The following LTBP2 variants were observed in gnomAD, a reference collection of about 807,000 sequenced individuals.
LTBP2 encodes latent-transforming growth factor beta-binding protein 2.
Under a neutral mutation model 210.6 loss-of-function variants are expected in LTBP2, and 103 were observed. The observed-to-expected ratio is 0.49, with a 90% confidence interval of 0.42 to 0.58. The LOEUF (loss-of-function observed/expected upper bound fraction) is 0.58, where lower values mean the gene tolerates loss of function less well. Ranked by LOEUF, LTBP2 falls within the 20% of genes least tolerant of loss-of-function variation. The pLI is 0.00. For missense variants in LTBP2, 2,313 were observed against 2,494.5 expected (o/e 0.93, Z 1.55); for synonymous variants, 1,007 against 1,015.0 (o/e 0.99, Z 0.15).
In LTBP2 at chr14:74,535,960, C is replaced by T. The variant is rs192096741; in HGVS notation, c.1830G>A (p.Gln610=). 1 of 1,614,186 alleles carries T rather than the reference C, an allele frequency of 6.2e-7. No individual in the cohort carries two copies. The highest frequency in any genetic ancestry group is 8.5e-7 in the Non-Finnish European group (1 of 1,180,040). The part of the protein sequence containing the change: ...VIENGQLECP[Q]GYKRLNLTHC... Reference sequence around the variant, plus strand: ...GAGTGAGGTTCAGTCTCTTGTACCCCTGAGGACACTCCAGCTGGCCATTCT... The same window carrying T: ...GAGTGAGGTTCAGTCTCTTGTACCCTTGAGGACACTCCAGCTGGCCATTCT... The change falls in exon 9 of 36, where the codon CAG becomes CAA. Residue 610 remains glutamine, a synonymous_variant. Coordinates refer to ENST00000261978, the MANE Select transcript of LTBP2 (RefSeq NM_000428.3).
Position 74,500,933 on chromosome 14 carries a change from G to A in LTBP2, c.5417C>T (p.Pro1806Leu), listed in dbSNP as rs191944410. The A allele has an allele frequency of 1.5e-4, 248 of 1,614,174 alleles. No individual in the cohort carries two copies. In the East Asian group the frequency reaches 1.6e-3, roughly 10 times the overall value. ...GGGCCCTGCCTCAGCCACATATCCC[G>A]GGGAGCAGTGGCAGCGGTAGGAGCC... ...TEGSYRCHCS[P>L]GYVAEAGPPH... Residue 1806 changes from proline to leucine, a missense_variant, in exon 36 of 36, where the codon CCG (proline) becomes CTG (leucine). Physicochemically the swap from Pro to Leu is moderately conservative, Grantham distance 98 (BLOSUM62 -3). Transcript: ENST00000261978.
At chr14:74,609,074 G>T (rs1251082785) in intron 1 of LTBP2, among the ~76,000 whole-genome samples, 1 of 152,192 alleles carries the variant, frequency 6.6e-6, no homozygotes, top group East Asian at 1.9e-4. Flanking sequence ...GTGGCACTTG[G>T]TCCCTGGCTG....
chr14:74,573,008 C>T (rs544526538), intron 3 of LTBP2, among the ~76,000 whole-genome samples: 7 of 152,270 alleles, frequency 4.6e-5, no homozygotes, highest in African/African-American at 1.4e-4. Context: ...ATTTTAAGTC[C>T]GGTGCTGGAA....
chr14:74,574,578 T>G (rs2088030216), intron 3 of LTBP2, among the ~76,000 whole-genome samples: 1 of 152,168 alleles, frequency 6.6e-6, no homozygotes, highest in Admixed American at 6.5e-5. Context: ...TAAATCCTAC[T>G]GATGATGAAG....
intron 3 of LTBP2, among the ~76,000 whole-genome samples, chr14:74,557,349 C>T (rs2087742594): frequency 6.6e-6 from 1 of 152,200 alleles, no homozygotes; most frequent in Non-Finnish European, 1.5e-5. Flanking sequence ...TGTCTGGAGG[C>T]ACACACTGGT....
At chr14:74,571,247 T>C (rs1298601106) in intron 3 of LTBP2, among the ~76,000 whole-genome samples, 1 of 152,108 alleles carries the variant, frequency 6.6e-6, no homozygotes, top group African/African-American at 2.4e-5. Flanking sequence ...GGCAGGAGAA[T>C]TGCTTGAACC....
chr14:74,516,366 T>TCTCTCCCTCCCTC, intron 18 of LTBP2, among the ~76,000 whole-genome samples: 1 of 118,064 alleles, frequency 8.5e-6, no homozygotes, highest in South Asian at 3.0e-4. Context: ...CTCCCTCCCT[T>TCTCTCCCTCCCTC]CCTTCCTTCC....
intron 12 of LTBP2, among the ~76,000 whole-genome samples, chr14:74,528,228 C>T (rs1028878813): frequency 5.9e-5 from 9 of 152,282 alleles, no homozygotes; most frequent in Admixed American, 4.6e-4. Flanking sequence ...GTGGGGGCTG[C>T]GGCTGATCTT....
At position 74,508,611 on chromosome 14, in the gene LTBP2, GC is replaced by G; in HGVS notation, c.3644del (p.Ser1215ThrfsTer90). On this transcript the variant is annotated frameshift_variant, in exon 24 of 36. Transcript: ENST00000261978. LOFTEE classifies it high-confidence loss of function. Reference protein sequence around the residue: ...PGFVSAEGGTSCQDVDECATT... With the variant: ...PGFVSAEGGTXCQDVDECATT... ...GCTGTGCTGGCTTCTCACCCTGGCA[GC>G]TGGTGCCCCCCTCTGCGCTGACGAA... The G allele has an allele frequency of 1.2e-6, 2 of 1,607,720 alleles. No individual in the cohort carries two copies. Among genetic ancestry groups the G allele is most frequent in the Non-Finnish European group, 1.7e-6 (2 of 1,179,738 alleles).
chr14:74,579,415 C>T (rs1595289480), intron 3 of LTBP2, among the ~76,000 whole-genome samples: 1 of 152,196 alleles, frequency 6.6e-6, no homozygotes, highest in Admixed American at 6.5e-5. Flanking sequence ...GGCAGCACTG[C>T]CACGGGAAAC....
At position 74,505,131 on chromosome 14, in the gene LTBP2, G is replaced by T; in HGVS notation, c.4221C>A (p.Ala1407=). The change falls in exon 29 of 36, where the codon GCC becomes GCA. Residue 1407 remains alanine (A), a synonymous_variant. Coordinates refer to ENST00000261978, the MANE Select transcript of LTBP2 (RefSeq NM_000428.3). The part of the protein sequence containing the change: ...SEAPTGDHAP[A]PTRMDCYSGQ... The stretch of plus-strand genomic sequence containing the variant: ...CGGAGTAGCAGTCCATGCGGGTGGG[G>T]GCCGGGGCATGGTCCCCCGTTGGGG... 6.2e-7 allele frequency: 1 copy of T among 1,613,780 alleles called. No homozygotes were observed. The highest frequency in any genetic ancestry group is 8.5e-7 in the Non-Finnish European group (1 of 1,180,034).
chr14:74,510,083 C>A lies in LTBP2; in HGVS notation c.3151+8G>T, dbSNP rs1420346646. 3 of 1,613,950 alleles carry A rather than the reference C, an allele frequency of 1.9e-6. No individual in the cohort carries two copies. Among genetic ancestry groups the A allele is most frequent in the African/African-American group, 1.3e-5 (1 of 74,942 alleles). On this transcript the variant is annotated splice_region_variant and intron_variant, in intron 20 of 35. Transcript: ENST00000261978. ...CTGCGGAGAAGGGGCGCTTCAGCAT[C>A]TCTGTACCTTGGCAGCCCTTCTCAT...
chr14:74,585,437 T>C (rs768717143), intron 3 of LTBP2, among the ~76,000 whole-genome samples: 3 of 152,216 alleles, frequency 2.0e-5, no homozygotes, highest in Non-Finnish European at 2.9e-5. Flanking sequence ...TTTACGACAA[T>C]TCATAGCACA....
rs2087308859 is a variant in LTBP2 at position 74,528,648 on chromosome 14, A to C, written c.2203T>G (p.Ser735Ala). The C allele has an allele frequency of 1.2e-6, 2 of 1,613,226 alleles. No homozygotes were observed. Among genetic ancestry groups the C allele is most frequent in the Non-Finnish European group, 1.7e-6 (2 of 1,180,026 alleles). Residue 735 changes from serine (S) to alanine (A), a missense_variant, in exon 12 of 36, where the codon TCC (serine) becomes GCC (alanine). Transcript: ENST00000261978. ...TTCCTCATGGACAGGCGGATGTCGG[A>C]GCTCGCGTAGGTGTAGCCGTGGCCG... Reference protein sequence around the residue: ...PAGHGYTYASSDIRLSMRKAE... With the variant: ...PAGHGYTYASADIRLSMRKAE...
intron 2 of LTBP2, among the ~76,000 whole-genome samples, chr14:74,596,268 T>TAA (rs1555353657): frequency 0.021 from 2,422 of 117,092 alleles, 64 homozygotes; most frequent in African/African-American, 0.062. Context: ...TAAATAAAAA[T>TAA]TAAAAACAAA....
intron 9 of LTBP2, among the ~76,000 whole-genome samples, chr14:74,535,561 T>C (rs1262268100): frequency 1.3e-5 from 2 of 152,214 alleles, no homozygotes; most frequent in Non-Finnish European, 2.9e-5. Context: ...TTTCCCACCC[T>C]AGAGCTGAAA....
rs936735935 is a variant in LTBP2 at position 74,522,993 on chromosome 14, A to G, written c.2531-75T>C. 1.9e-5 allele frequency: 29 copies of G among 1,556,362 alleles called. No homozygotes were observed. In the African/African-American group the frequency reaches 3.5e-4, roughly 19 times the overall value. Reference sequence around the variant, plus strand: ...AAAGGCAGTGGAGCGGGGTGGGGACAGTCAGTGGCCAGGGTCTAGGGGCCT... The same window carrying G: ...AAAGGCAGTGGAGCGGGGTGGGGACGGTCAGTGGCCAGGGTCTAGGGGCCT... On this transcript the variant is annotated intron_variant, in intron 15 of 35. Transcript: ENST00000261978.
At chr14:74,518,342 G>A (rs1046126055) in intron 17 of LTBP2, among the ~76,000 whole-genome samples, 6 of 152,292 alleles carry the variant, frequency 3.9e-5, no homozygotes, top group Admixed American at 6.5e-5. Flanking sequence ...CAAGCCTGGC[G>A]TGTGAGATCT....
intron 1 of LTBP2, among the ~76,000 whole-genome samples, chr14:74,604,726 G>C (rs1048514457): frequency 6.6e-6 from 1 of 151,976 alleles, no homozygotes; most frequent in Non-Finnish European, 1.5e-5. Flanking sequence ...CCTGAGCTTA[G>C]GTGATCCACC....
Sources: gnomAD v4.1 joint callset for allele counts (sites outside exome capture counted in the v4.1 genomes callset) on GRCh38, gnomAD v4.1.1 for gene constraint, MANE v1.5 for transcripts, NCBI Gene and HGNC (gene_info 2026-07-23, HGNC 2026-07-21) for gene names.